LRBA: variants seen among roughly 807,000 people sequenced by gnomAD.
The protein encoded by LRBA is lipopolysaccharide-responsive and beige-like anchor protein.
Under a neutral mutation model 330.0 loss-of-function variants are expected in LRBA, and 176 were observed. The observed-to-expected ratio is 0.53, with a 90% CI of 0.47 to 0.60. The LOEUF is 0.60. LRBA is among the 20% of genes least tolerant of loss of function. The pLI, the probability that LRBA is intolerant of heterozygous loss-of-function variation, is 0.00. For synonymous variants in LRBA, 1,230 were observed against 1,193.0 expected (o/e 1.03, Z -0.64); for missense variants, 3,259 against 3,444.8 (o/e 0.95, Z 1.35).
intron 48 of LRBA, among the ~76,000 whole-genome samples, chr4:150,338,255 C>T (rs1248138138): frequency 1.3e-5 from 2 of 152,078 alleles, no homozygotes; most frequent in Admixed American, 1.3e-4. Flanking sequence ...ACGGCTCTCC[C>T]CTCTCCCCTA....
At chr4:150,415,203 T>G (rs1292047262) in intron 47 of LRBA, among the ~76,000 whole-genome samples, 1 of 152,242 alleles carries the variant, frequency 6.6e-6, no homozygotes, top group Non-Finnish European at 1.5e-5. Flanking sequence ...TGAATCATCA[T>G]GTATATATGA....
chr4:150,756,828 A>C (rs1734375098), intron 35 of LRBA, among the ~76,000 whole-genome samples: 1 of 152,142 alleles, frequency 6.6e-6, no homozygotes, highest in Admixed American at 6.6e-5. Flanking sequence ...TGGCTTTAAT[A>C]TTCTTTAAGT....
intron 2 of LRBA, among the ~76,000 whole-genome samples, chr4:150,947,258 C>G (rs1003396522): frequency 6.6e-5 from 10 of 150,460 alleles, no homozygotes; most frequent in African/African-American, 2.2e-4. Flanking sequence ...ACCAATATCC[C>G]TCATGAATAT....
intron 28 of LRBA, among the ~76,000 whole-genome samples, chr4:150,833,873 T>TACA (rs1747588371): frequency 6.6e-6 from 1 of 152,258 alleles, no homozygotes; most frequent in Non-Finnish European, 1.5e-5. Flanking sequence ...TCTGAAACCC[T>TACA]ACAAAGGTTT....
chr4:150,652,484 C>T (rs1281565957), intron 37 of LRBA, among the ~76,000 whole-genome samples: 1 of 151,770 alleles, frequency 6.6e-6, no homozygotes, highest in Non-Finnish European at 1.5e-5. Flanking sequence ...CTTTTGTTTC[C>T]CATAAACTGG....
At chr4:150,970,507 T>G (rs542656055) in intron 2 of LRBA, among the ~76,000 whole-genome samples, 1 of 137,906 alleles carries the variant, frequency 7.3e-6, no homozygotes, top group South Asian at 2.6e-4. Flanking sequence ...CTCAAAAAAA[T>G]AATAATAATA....
intron 36 of LRBA, among the ~76,000 whole-genome samples, chr4:150,729,933 T>A (rs1255047969): frequency 6.6e-6 from 1 of 152,082 alleles, no homozygotes; most frequent in Non-Finnish European, 1.5e-5. Flanking sequence ...GGAAAGCTAG[T>A]TATCCATATG....
intron 53 of LRBA, among the ~76,000 whole-genome samples, chr4:150,294,726 C>A (rs190206365): frequency 2.0e-5 from 3 of 152,078 alleles, no homozygotes; most frequent in African/African-American, 7.2e-5. Context: ...CCAAGGTGGG[C>A]GGATCACAAG....
At chr4:150,986,298 C>T (rs1470824160) in intron 2 of LRBA, among the ~76,000 whole-genome samples, 1 of 152,116 alleles carries the variant, frequency 6.6e-6, no homozygotes, top group East Asian at 1.9e-4. Flanking sequence ...AGATGAACGG[C>T]AGGCAAGCGA....
chr4:150,596,830 C>T (rs1295844729), intron 38 of LRBA, among the ~76,000 whole-genome samples: 2 of 151,344 alleles, frequency 1.3e-5, no homozygotes, highest in African/African-American at 4.8e-5. Context: ...TACCATAATA[C>T]AATCTATGTG....
intron 40 of LRBA, chr4:150,581,205 G>A: frequency 3.3e-6 from 1 of 306,542 alleles, no homozygotes; most frequent in Non-Finnish European, 6.5e-6. Flanking sequence ...TTAAATACAT[G>A]TGAATCTTAA....
At chr4:150,964,109 C>T (rs909019217) in intron 2 of LRBA, among the ~76,000 whole-genome samples, 6 of 149,004 alleles carry the variant, frequency 4.0e-5, no homozygotes, top group Middle Eastern at 3.4e-3. Flanking sequence ...GCCCGGCAGC[C>T]GCCCCGTCCA....
intron 55 of LRBA, among the ~76,000 whole-genome samples, chr4:150,279,770 G>T (rs1487377844): frequency 6.6e-6 from 1 of 152,204 alleles, no homozygotes; most frequent in Non-Finnish European, 1.5e-5. Flanking sequence ...TTTTCAAGAT[G>T]AGCAAAAATC....
chr4:150,635,130 C>T (rs142001505), intron 37 of LRBA, among the ~76,000 whole-genome samples: 44 of 152,232 alleles, frequency 2.9e-4, no homozygotes, highest in Middle Eastern at 6.8e-3. Context: ...GATTAGCATC[C>T]GAGACGGAGT....
At chr4:150,760,337 C>T (rs756367530) in intron 35 of LRBA, among the ~76,000 whole-genome samples, 83 of 152,126 alleles carry the variant, frequency 5.5e-4, no homozygotes, top group Non-Finnish European at 9.7e-4. Context: ...CCACACTCTA[C>T]ATGAAAATGT....
intron 36 of LRBA, among the ~76,000 whole-genome samples, chr4:150,726,432 A>G (rs991787870): frequency 6.6e-6 from 1 of 152,222 alleles, no homozygotes; most frequent in African/African-American, 2.4e-5. Flanking sequence ...GGGTCAATCC[A>G]GCAAGAGGAT....
At chr4:150,873,052 C>T (rs1157946820) in intron 17 of LRBA, among the ~76,000 whole-genome samples, 1 of 152,066 alleles carries the variant, frequency 6.6e-6, no homozygotes, top group Non-Finnish European at 1.5e-5. Context: ...CTGCTACAGG[C>T]TTGTAAATGT....
intron 53 of LRBA, among the ~76,000 whole-genome samples, chr4:150,286,824 G>A (rs1748185271): frequency 6.6e-6 from 1 of 152,160 alleles, no homozygotes; most frequent in South Asian, 2.1e-4. Context: ...TGGTTGGTTG[G>A]TTGGTTAATA....
intron 22 of LRBA, among the ~76,000 whole-genome samples, chr4:150,866,779 T>C (rs1028688023): frequency 6.6e-6 from 1 of 152,154 alleles, no homozygotes; most frequent in South Asian, 2.1e-4. Flanking sequence ...CAAAACTATA[T>C]GGGTCAATGT....
Sources: gnomAD v4.1 joint callset for allele counts (sites outside exome capture counted in the v4.1 genomes callset) on GRCh38, gnomAD v4.1.1 for gene constraint, MANE v1.5 for transcripts, NCBI Gene and HGNC (gene_info 2026-07-23, HGNC 2026-07-21) for gene names.